Variants in MTHFSD observed in about 807,000 individuals in gnomAD.
The protein encoded by MTHFSD is methenyltetrahydrofolate synthetase domain containing.
A neutral mutation model predicts 31.1 loss-of-function variants in MTHFSD; 37 were observed. The observed-to-expected ratio is 1.19, with a 90% confidence interval of 0.91 to 1.56. The LOEUF is 1.56. MTHFSD is among the 40% of genes most tolerant of loss of function. MTHFSD has a pLI of 0.00. For missense variants in MTHFSD, 664 were observed against 510.1 expected (o/e 1.30, Z -2.91); for synonymous variants, 221 against 206.9 (o/e 1.07, Z -0.59).
At chr16:86,554,933 C>G in intron 1 of MTHFSD, 182 bp from the exon 2 acceptor site, 1 of 1,148,510 alleles carries the variant, frequency 8.7e-7, no homozygotes, top group Non-Finnish European at 1.2e-6. Flanking sequence ...CGGCAGGTGT[C>G]CCTCCCGCCT....
chr16:86,541,908 T>G lies in MTHFSD; in HGVS notation c.556-86A>C, dbSNP rs112039519. ...GCCCCGCTCGGTGGGAACGTGAGGCTGGCTAGAGAAGCACCCCCAAATCCA... is the reference window on the plus strand; with the variant it reads ...GCCCCGCTCGGTGGGAACGTGAGGCGGGCTAGAGAAGCACCCCCAAATCCA... On this transcript the variant is annotated intron_variant, in intron 6 of 7. Transcript: ENST00000360900. 1,278 of 1,565,176 alleles carry G rather than the reference T, an allele frequency of 8.2e-4. 8 individuals are homozygous for G. In the African/African-American group the frequency reaches 0.015, roughly 19 times the overall value.
In MTHFSD at chr16:86,554,692, A is replaced by C. The variant is rs1352948648; in HGVS notation, c.76T>G (p.Leu26Val). 1.9e-6 allele frequency: 3 copies of C among 1,614,084 alleles called. No individual in the cohort carries two copies. In the African/African-American group the frequency reaches 4.0e-5, roughly 22 times the overall value. ...TGAACAGGTCGGGGAAAGTCAGCTA[A>C]ATTTTGTGATTCCATGTAGCCCCAA... ...QIWGYMESQNLADFPRPVHHR... is the reference protein window; with the variant it reads ...QIWGYMESQNVADFPRPVHHR... Residue 26 changes from leucine (L) to valine (V), a missense_variant, in exon 2 of 8, where the codon TTA (leucine) becomes GTA (valine). By Grantham distance (32) the Leu-to-Val change is conservative (BLOSUM62 1). Coordinates refer to ENST00000360900, the MANE Select transcript of MTHFSD (RefSeq NM_001159377.2).
intron 2 of MTHFSD, among the ~76,000 whole-genome samples, chr16:86,553,957 A>G (rs571662494): frequency 6.6e-6 from 1 of 152,310 alleles, no homozygotes; most frequent in South Asian, 2.1e-4. Flanking sequence ...GGGGAGGTGG[A>G]GAACTTTTGT....
intron 5 of MTHFSD, 57 bp downstream of exon 5, chr16:86,546,502 C>A (rs570353100): frequency 4.7e-6 from 7 of 1,484,834 alleles, no homozygotes; most frequent in Non-Finnish European, 6.6e-6. Flanking sequence ...CAGCCTGGCA[C>A]GCAGCCGCCT....
At chr16:86,538,076 C>G (rs1970960672) in intron 7 of MTHFSD, among the ~76,000 whole-genome samples, 2 of 152,248 alleles carry the variant, frequency 1.3e-5, no homozygotes, top group Admixed American at 1.3e-4. Flanking sequence ...TGACGGGGAC[C>G]ACAGGCTTGT....
At chr16:86,551,984 G>A (rs1456207388) in intron 3 of MTHFSD, 49 bp downstream of exon 3, 2 of 1,609,994 alleles carry the variant, frequency 1.2e-6, no homozygotes, top group Admixed American at 1.7e-5. Context: ...TGGAAAAGGT[G>A]TCCCCCTTGG....
intron 3 of MTHFSD, among the ~76,000 whole-genome samples, chr16:86,549,437 T>C (rs540648437): frequency 7.9e-4 from 121 of 152,374 alleles, no homozygotes; most frequent in African/African-American, 2.8e-3. Context: ...TGACATCTGT[T>C]TGGCCTATTT....
intron 4 of MTHFSD, chr16:86,547,640 T>G: frequency 2.6e-6 from 2 of 784,188 alleles, no homozygotes; most frequent in Non-Finnish European, 3.1e-6. Flanking sequence ...TTTTCTATCT[T>G]TCTTTTTCCT....
At chr16:86,539,608 C>T (rs1971202784) in intron 7 of MTHFSD, among the ~76,000 whole-genome samples, 1 of 152,184 alleles carries the variant, frequency 6.6e-6, no homozygotes. Flanking sequence ...ACCTGGTTTC[C>T]TTTCTTTAAA....
intron 4 of MTHFSD, chr16:86,547,056 G>T: frequency 1.5e-5 from 10 of 655,126 alleles, no homozygotes; most frequent in South Asian, 1.2e-4. Flanking sequence ...TCAGCTGTAA[G>T]ACAGGGACAC....
rs533323958 is a variant in MTHFSD, at chr16:86,545,210, TAA to T, written c.442+1347_442+1348del. Among the ~76,000 whole-genome samples the T allele has an allele frequency of 2.0e-5, 3 of 149,114 alleles. No individual in the cohort carries two copies. In the East Asian group the frequency reaches 5.8e-4, roughly 29 times the overall value. On this transcript the variant is annotated intron_variant, in intron 5 of 7. Transcript: ENST00000360900. ...CATCCTACACATGTATCCCGGAACT[TAA>T]AAAAAAAAGATATCTGTGTCTCACA...
intron 4 of MTHFSD, chr16:86,548,236 G>T (rs76064284): frequency 2.0e-6 from 2 of 1,001,270 alleles, no homozygotes; most frequent in Non-Finnish European, 2.8e-6. Context: ...TTTATAATTT[G>T]CCAATTTCGT....
intron 7 of MTHFSD, among the ~76,000 whole-genome samples, chr16:86,538,584 C>T (rs1971040989): frequency 6.6e-6 from 1 of 152,244 alleles, no homozygotes; most frequent in Admixed American, 6.5e-5. Flanking sequence ...TTTCGGTTTG[C>T]TACGGCACAG....
intron 7 of MTHFSD, chr16:86,540,809 T>A: frequency 9.8e-7 from 1 of 1,015,858 alleles, no homozygotes; most frequent in South Asian, 3.9e-5. Context: ...CACTCTGGGT[T>A]ACAAAGGCTG....
intron 7 of MTHFSD, chr16:86,533,696 A>T: frequency 6.6e-6 from 1 of 152,222 alleles, no homozygotes; most frequent in African/African-American, 2.4e-5. Flanking sequence ...CCCTCCCAAG[A>T]ATGACTCACC....
intron 2 of MTHFSD, among the ~76,000 whole-genome samples, chr16:86,553,001 G>A (rs770297731): frequency 2.7e-5 from 4 of 150,516 alleles, no homozygotes; most frequent in Admixed American, 6.6e-5. Context: ...TTTTTTTTCT[G>A]TCAACACTGT....
chr16:86,551,396 T>C (rs992040702), intron 3 of MTHFSD, among the ~76,000 whole-genome samples: 2 of 152,222 alleles, frequency 1.3e-5, no homozygotes, highest in African/African-American at 4.8e-5. Context: ...ATACCACAAC[T>C]GTGGCAAAAA....
intron 7 of MTHFSD, among the ~76,000 whole-genome samples, chr16:86,538,621 C>A (rs1253686532): frequency 6.6e-6 from 1 of 152,216 alleles, no homozygotes; most frequent in Non-Finnish European, 1.5e-5. Flanking sequence ...TGGCTCTCAG[C>A]CCACTACAGA....
chr16:86,540,623 G>A, intron 7 of MTHFSD: 1 of 966,810 alleles, frequency 1.0e-6, no homozygotes, highest in Non-Finnish European at 1.2e-6. Flanking sequence ...GCTCTGAGGA[G>A]CCGCCAGCCT....
Sources: allele counts gnomAD v4.1 joint callset (sites outside exome capture counted in the v4.1 genomes callset), GRCh38; gene constraint gnomAD v4.1.1; transcripts MANE v1.5; gene names NCBI Gene and HGNC (gene_info 2026-07-23, HGNC 2026-07-21).